SV2B: variants seen among roughly 807,000 people sequenced by gnomAD.
SV2B encodes solute carrier family 22 member B2.
SV2B carries 41 observed loss-of-function variants against 73.9 expected under a neutral mutation model. The ratio of observed to expected loss-of-function variants is 0.56; its 90% CI spans 0.43 to 0.72. The LOEUF (loss-of-function observed/expected upper bound fraction) is 0.72. Among genes scored for constraint, SV2B ranks in the 30% least tolerant of loss-of-function variants. SV2B has a pLI of 0.00. For synonymous variants in SV2B, 314 were observed against 314.2 expected (o/e 1.00, Z 0.01); for missense variants, 764 against 857.8 (o/e 0.89, Z 1.37).
intron 1 of SV2B, among the ~76,000 whole-genome samples, chr15:91,150,519 CCTT>C (rs1273271268): frequency 2.3e-4 from 35 of 152,174 alleles, no homozygotes; most frequent in Non-Finnish European, 2.8e-4. Context: ...TCTCTTTTGT[CCTT>C]CTGTTATTAA....
At chr15:91,249,375 A>G (rs1471030479) in intron 2 of SV2B, among the ~76,000 whole-genome samples, 2 of 152,226 alleles carry the variant, frequency 1.3e-5, no homozygotes, top group African/African-American at 2.4e-5. Flanking sequence ...ATAATACCTG[A>G]CAGATACCTT....
At chr15:91,162,979 G>T (rs933532298) in intron 1 of SV2B, among the ~76,000 whole-genome samples, 1 of 150,416 alleles carries the variant, frequency 6.6e-6, no homozygotes, top group Non-Finnish European at 1.5e-5. Flanking sequence ...TGTTCTCATT[G>T]TTCAATTCCC....
chr15:91,138,398 G>A (rs2042905363), intron 1 of SV2B, among the ~76,000 whole-genome samples: 1 of 152,144 alleles, frequency 6.6e-6, no homozygotes, highest in South Asian at 2.1e-4. Context: ...TACTGTATTG[G>A]ACAGCACAGT....
intron 1 of SV2B, among the ~76,000 whole-genome samples, chr15:91,181,928 T>C (rs1012997473): frequency 6.6e-6 from 1 of 152,042 alleles, no homozygotes; most frequent in African/African-American, 2.4e-5. Context: ...TAGATATAGA[T>C]AGATAGGTAG....
rs2049204375 is a variant in SV2B, at chr15:91,295,909, T to C, written c.*3357T>C. 6.6e-6 allele frequency: 1 copy of C among 152,226 alleles called. No individual in the cohort carries two copies. Among genetic ancestry groups the C allele is most frequent in the Admixed American group, 6.5e-5 (1 of 15,280 alleles). The allele number at this position is 152,226 out of a possible 1,614,324, so 9.4% of individuals were successfully genotyped here. On this transcript the variant is annotated 3_prime_UTR_variant, in exon 13 of 13. Coordinates refer to ENST00000394232, the MANE Select transcript of SV2B (RefSeq NM_001323032.3). ...TCATTCCACTTGCAGTGAGCGGATATTAAATTGGCCATAAACACCGAGTAC... is the reference window on the plus strand; with the variant it reads ...TCATTCCACTTGCAGTGAGCGGATACTAAATTGGCCATAAACACCGAGTAC...
chr15:91,198,495 GT>G (rs2045339713), intron 1 of SV2B, among the ~76,000 whole-genome samples: 1 of 149,462 alleles, frequency 6.7e-6, no homozygotes, highest in Non-Finnish European at 1.5e-5. Flanking sequence ...GTGTGTGTGT[GT>G]GTAGGTGTGT....
intron 10 of SV2B, among the ~76,000 whole-genome samples, chr15:91,282,536 G>A (rs188671796): frequency 2.0e-5 from 3 of 152,116 alleles, no homozygotes; most frequent in East Asian, 1.9e-4. Flanking sequence ...AGGGAGAAAT[G>A]TACTATTTTT....
intron 1 of SV2B, among the ~76,000 whole-genome samples, chr15:91,149,992 T>C (rs1287329867): frequency 6.6e-6 from 1 of 152,122 alleles, no homozygotes; most frequent in East Asian, 1.9e-4. Flanking sequence ...GTCTCTGTCT[T>C]TCTGTCTGTC....
chr15:91,103,352 C>A (rs1053031428), intron 1 of SV2B, among the ~76,000 whole-genome samples: 6 of 152,146 alleles, frequency 3.9e-5, no homozygotes, highest in African/African-American at 1.4e-4. Context: ...TCCTTTCCCC[C>A]ACACTAAAAG....
intron 1 of SV2B, among the ~76,000 whole-genome samples, chr15:91,182,000 C>G (rs2044597554): frequency 6.6e-6 from 1 of 152,002 alleles, no homozygotes; most frequent in Admixed American, 6.6e-5. Flanking sequence ...GTCTAAAGGA[C>G]AAGGAGACAT....
intron 9 of SV2B, among the ~76,000 whole-genome samples, chr15:91,276,501 C>T (rs755255160): frequency 7.9e-5 from 12 of 151,694 alleles, no homozygotes; most frequent in Non-Finnish European, 1.3e-4. Context: ...CTGTTTCTTC[C>T]CTTATTTTTC....
At chr15:91,188,917 C>T (rs575901651) in intron 1 of SV2B, among the ~76,000 whole-genome samples, 1 of 152,230 alleles carries the variant, frequency 6.6e-6, no homozygotes, top group South Asian at 2.1e-4. Context: ...ACCTCCGCCT[C>T]CCAGGTTCAG....
At chr15:91,180,262 A>C (rs920477616) in intron 1 of SV2B, among the ~76,000 whole-genome samples, 17 of 151,954 alleles carry the variant, frequency 1.1e-4, no homozygotes, top group Middle Eastern at 3.4e-3. Flanking sequence ...CCGAGAGATC[A>C]GCTGTTAGTC....
At chr15:91,176,437 C>T in intron 1 of SV2B, among the ~76,000 whole-genome samples, 1 of 151,862 alleles carries the variant, frequency 6.6e-6, no homozygotes, top group Non-Finnish European at 1.5e-5. Context: ...AATGGTATTT[C>T]TAGTTCTAGA....
At chr15:91,230,942 T>TG (rs1447736534) in intron 2 of SV2B, among the ~76,000 whole-genome samples, 2 of 152,136 alleles carry the variant, frequency 1.3e-5, no homozygotes, top group African/African-American at 2.4e-5. Flanking sequence ...GTTGATGGGC[T>TG]GGGGGGCGTT....
At chr15:91,193,103 CTTTG>C (rs759416356) in intron 1 of SV2B, among the ~76,000 whole-genome samples, 8 of 152,210 alleles carry the variant, frequency 5.3e-5, no homozygotes, top group Non-Finnish European at 8.8e-5. Context: ...GGGCATCTAT[CTTTG>C]TTTGCTCAAT....
At chr15:91,271,819 C>T (rs2048326963) in intron 9 of SV2B, among the ~76,000 whole-genome samples, 1 of 152,174 alleles carries the variant, frequency 6.6e-6, no homozygotes, top group African/African-American at 2.4e-5. Context: ...TTCTGAGCGC[C>T]TCCATGAATA....
chr15:91,122,123 G>A lies in SV2B; in HGVS notation c.-392+21760G>A, dbSNP rs2042356950. On this transcript the variant is annotated intron_variant, in intron 1 of 12. Coordinates refer to ENST00000394232, the MANE Select transcript of SV2B (RefSeq NM_001323032.3). This position sits in a 1 kb window ranked among gnomAD's most constrained non-coding sequence, Gnocchi z 4.3. ...TGCCTGTTGACTCCAGGAGTCTGAC[G>A]CCAAAGACTGAACTCCCAATATGTG... is the stretch of plus-strand genomic sequence containing the variant. 6.6e-6 allele frequency among the ~76,000 whole-genome samples: 1 copy of A among 152,104 alleles called. No homozygotes were observed. Among genetic ancestry groups the A allele is most frequent in the Non-Finnish European group, 1.5e-5 (1 of 68,020 alleles).
At chr15:91,133,785 C>T (rs2042729155) in intron 1 of SV2B, among the ~76,000 whole-genome samples, 1 of 151,956 alleles carries the variant, frequency 6.6e-6, no homozygotes, top group African/African-American at 2.4e-5. Context: ...CTTGTTCTCC[C>T]TTGCCTGGGT....
Sources: gnomAD v4.1 joint callset for allele counts (sites outside exome capture counted in the v4.1 genomes callset) on GRCh38, gnomAD v4.1.1 for gene constraint, Gnocchi (gnomAD v3.1) non-coding constraint, MANE v1.5 for transcripts, NCBI Gene and HGNC (gene_info 2026-07-23, HGNC 2026-07-21) for gene names.